The following RAB4B variants were observed in gnomAD, a reference collection of about 807,000 sequenced individuals.
RAB4B encodes RAB4B, member RAS oncogene family.
In RAB4B, 15 loss-of-function variants were observed where a neutral mutation model predicts 28.3. That is an observed-to-expected ratio of 0.53 (90% CI 0.35 to 0.82). The LOEUF is 0.82. RAB4B is among the 40% of genes least tolerant of loss of function. The pLI, the probability that RAB4B is intolerant of heterozygous loss-of-function variation, is 0.01. For synonymous variants in RAB4B, 108 were observed against 116.3 expected, an observed-to-expected ratio of 0.93 and a Z score of 0.46; for missense variants, 244 against 288.5, an observed-to-expected ratio of 0.85 and a Z score of 1.12.
chr19:40,781,788 G>A (rs960933645), intron 3 of RAB4B, among the ~76,000 whole-genome samples: 8 of 152,054 alleles, frequency 5.3e-5, no homozygotes, highest in Admixed American at 2.0e-4. Flanking sequence ...TTGGGAGGCC[G>A]AGGCGGGCGG....
intron 7 of RAB4B, among the ~76,000 whole-genome samples, chr19:40,795,052 C>G (rs1247117329): frequency 6.7e-6 from 1 of 149,478 alleles, no homozygotes; most frequent in African/African-American, 2.5e-5. Flanking sequence ...GCCTGTAGTT[C>G]CAGCTACTCA....
chr19:40,778,539 T>C, intron 1 of RAB4B, 148 bp downstream of exon 1: 1 of 783,876 alleles, frequency 1.3e-6, no homozygotes, highest in Non-Finnish European at 1.8e-6. Context: ...GTTTAGTGGG[T>C]CTGAGGCTGA....
chr19:40,781,247 A>G (rs773915681), intron 3 of RAB4B, among the ~76,000 whole-genome samples: 5 of 151,124 alleles, frequency 3.3e-5, no homozygotes, highest in Non-Finnish European at 7.4e-5. Context: ...AGATCGCACC[A>G]CTGCACCCCA....
intron 3 of RAB4B, among the ~76,000 whole-genome samples, chr19:40,782,550 C>T (rs570340079): frequency 3.9e-5 from 6 of 152,264 alleles, no homozygotes; most frequent in East Asian, 1.9e-4. Context: ...CGGTGGCTCA[C>T]GCCTGTAATC....
chr19:40,782,817 A>G (rs1426269236), intron 3 of RAB4B, among the ~76,000 whole-genome samples: 1 of 127,922 alleles, frequency 7.8e-6, no homozygotes, highest in African/African-American at 2.7e-5. Context: ...CATCTCAATC[A>G]GTCAATCAAT....
In RAB4B at chr19:40,783,966, C is replaced by T; in HGVS notation, c.321C>T (p.Arg107=). 1.2e-6 allele frequency: 2 copies of T among 1,613,962 alleles called. No individual in the cohort carries two copies. The highest frequency in any genetic ancestry group is 1.7e-6 in the Non-Finnish European group (2 of 1,179,850). ...TGGCTGCCTGGCTGACGGATGCCCGCACCCTGGCCAGCCCCAACATCGTGG... is the reference window on the plus strand; with the variant it reads ...TGGCTGCCTGGCTGACGGATGCCCGTACCCTGGCCAGCCCCAACATCGTGG... ...NSLAAWLTDA[R]TLASPNIVVI... Residue 107 remains arginine, a synonymous_variant, in exon 5 of 8, where the codon CGC becomes CGT. Coordinates refer to ENST00000357052, the MANE Select transcript of RAB4B (RefSeq NM_016154.5).
At position 40,783,844 on chromosome 19, in the gene RAB4B, G is replaced by A. The variant is rs1465130061; in HGVS notation, c.275+4G>A. On this transcript the variant is annotated splice_donor_region_variant and intron_variant, in intron 4 of 7. Transcript: ENST00000357052. ...TGCTGGTGTACGACATCACCAGGTG[G>A]GTGCCCGGGGTGGGTGGGGTAGGGC... is the stretch of plus-strand genomic sequence containing the variant. 6.3e-7 allele frequency: 1 copy of A among 1,575,754 alleles called. No individual in the cohort carries two copies. The highest frequency in any genetic ancestry group is 1.8e-5 in the Admixed American group (1 of 56,772).
At chr19:40,792,491 A>C (rs1033313889) in intron 7 of RAB4B, 5 of 152,332 alleles carry the variant, frequency 3.3e-5, no homozygotes, top group Admixed American at 3.3e-4. Flanking sequence ...CAGTAGGTGA[A>C]ATGTAACAAG....
chr19:40,778,635 G>A (rs1355779377), intron 1 of RAB4B, among the ~76,000 whole-genome samples: 1 of 152,144 alleles, frequency 6.6e-6, no homozygotes, highest in Non-Finnish European at 1.5e-5. Context: ...GGTCCTGAGG[G>A]GTTCAGGGAG....
chr19:40,789,305 C>G (rs1021443350), intron 7 of RAB4B, among the ~76,000 whole-genome samples: 2 of 151,860 alleles, frequency 1.3e-5, no homozygotes, highest in Non-Finnish European at 2.9e-5. Context: ...TAGGTTCAAG[C>G]AATTCTCCTG....
chr19:40,781,868 A>C (rs2083051788), intron 3 of RAB4B, among the ~76,000 whole-genome samples: 1 of 152,028 alleles, frequency 6.6e-6, no homozygotes, highest in Non-Finnish European at 1.5e-5. Context: ...AAAAATACAA[A>C]AAATTAGCTG....
At chr19:40,786,804 G>C (rs1332269890) in intron 6 of RAB4B, 44 bp downstream of exon 6, 3 of 1,614,124 alleles carry the variant, frequency 1.9e-6, no homozygotes, top group Non-Finnish European at 2.5e-6. Flanking sequence ...GGCAGGCCCG[G>C]GGGTCTCCAG....
intron 7 of RAB4B, among the ~76,000 whole-genome samples, chr19:40,789,519 T>TC (rs2083137261): frequency 8.6e-6 from 1 of 115,666 alleles, no homozygotes; most frequent in African/African-American, 2.9e-5. Context: ...TTTTTTTTTT[T>TC]TTTGAGACAG....
intron 5 of RAB4B, chr19:40,785,536 A>C (rs556656678): frequency 6.6e-6 from 1 of 152,228 alleles, no homozygotes; most frequent in East Asian, 1.9e-4. Context: ...AAAGGTTTGC[A>C]AGTATAAACT....
At chr19:40,793,717 A>C (rs1216712826) in intron 7 of RAB4B, among the ~76,000 whole-genome samples, 1 of 148,652 alleles carries the variant, frequency 6.7e-6, no homozygotes, top group Non-Finnish European at 1.5e-5. Context: ...CGAGGTCAGG[A>C]GTTCGAGACC....
intron 3 of RAB4B, among the ~76,000 whole-genome samples, chr19:40,781,440 C>G (rs559006065): frequency 6.6e-6 from 1 of 151,920 alleles, no homozygotes; most frequent in South Asian, 2.1e-4. Flanking sequence ...TGAATGAATG[C>G]ACGAATTTAC....
rs920021539 is a variant in RAB4B at position 40,786,716 on chromosome 19, C to T, written c.482C>T (p.Ala161Val). The T allele has an allele frequency of 4.3e-6, 7 of 1,614,096 alleles. No homozygotes were observed. The highest frequency in any genetic ancestry group is 1.3e-5 in the African/African-American group (1 of 75,030). Reference protein sequence around the residue: ...SALTGENVEEAFLKCARTILN... With the variant: ...SALTGENVEEVFLKCARTILN... ...CTCACAGGCGAGAACGTGGAGGAGGCGTTCCTCAAGTGTGCCCGCACTATC... is the reference window on the plus strand; with the variant it reads ...CTCACAGGCGAGAACGTGGAGGAGGTGTTCCTCAAGTGTGCCCGCACTATC... Residue 161 changes from alanine (A) to valine (V), a missense_variant, in exon 6 of 8, where the codon GCG becomes GTG. Ala to Val is a moderately conservative substitution (Grantham distance 64, BLOSUM62 0). Transcript: ENST00000357052.
rs1568497691 is a variant in RAB4B, at chr19:40,796,922, A to T, written c.*368A>T. 8 of 152,596 alleles carry T rather than the reference A, an allele frequency of 5.2e-5. No homozygotes were observed. Among genetic ancestry groups the T allele is most frequent in the Admixed American group, 4.6e-4 (7 of 15,274 alleles). The allele number at this position is 152,596 out of a possible 1,614,324, so 9.5% of individuals were successfully genotyped here. The stretch of plus-strand genomic sequence containing the variant: ...CCTGTCCAGCACCCACCCTACCCCC[A>T]TAAAGCATTGTTTACACCTGTGTCT... On this transcript the variant is annotated 3_prime_UTR_variant, in exon 8 of 8. Coordinates refer to ENST00000357052, the MANE Select transcript of RAB4B (RefSeq NM_016154.5).
Position 40,783,796 on chromosome 19 carries a change from T to C in RAB4B, c.231T>C (p.Tyr77=). ...QERFRSVTRS[Y]YRGAAGALLV... is the part of the protein sequence containing the mutation. The stretch of plus-strand genomic sequence containing the variant: ...CCCACAGGTCAGTGACGCGGAGTTA[T>C]TACCGAGGGGCGGCTGGAGCCCTGC... The change falls in exon 4 of 8, where the codon TAT becomes TAC. Residue 77 remains tyrosine, a synonymous_variant. Transcript: ENST00000357052. The C allele has an allele frequency of 6.3e-7, 1 of 1,579,258 alleles. No homozygotes were observed. Among genetic ancestry groups the C allele is most frequent in the African/African-American group, 1.3e-5 (1 of 74,246 alleles).
Sources: gnomAD v4.1 joint callset for allele counts (sites outside exome capture counted in the v4.1 genomes callset) on GRCh38, gnomAD v4.1.1 for gene constraint, MANE v1.5 for transcripts, NCBI Gene and HGNC (gene_info 2026-07-23, HGNC 2026-07-21) for gene names.